The following MAML2 variants were observed in gnomAD, a reference collection of about 807,000 sequenced individuals.
MAML2 encodes the protein mastermind-like protein 2.
MAML2 carries 22 observed loss-of-function variants against 96.1 expected under a neutral mutation model. The ratio of observed to expected loss-of-function variants is 0.23; its 90% confidence interval spans 0.16 to 0.33. MAML2 has a LOEUF of 0.33. MAML2 is among the 10% of genes least tolerant of loss of function. The pLI, the probability that MAML2 is intolerant of heterozygous loss-of-function variation, is 1.00. For missense variants in MAML2, 1,367 were observed against 1,392.4 expected, an observed-to-expected ratio of 0.98 and a Z score of 0.29; for synonymous variants, 561 against 521.3, an observed-to-expected ratio of 1.08 and a Z score of -1.04.
chr11:95,981,609 A>G (rs1381944855), intron 4 of MAML2, among the ~76,000 whole-genome samples: 2 of 152,204 alleles, frequency 1.3e-5, no homozygotes, highest in East Asian at 3.8e-4. Context: ...TATGCCCCCA[A>G]CTAGACTACA....
intron 1 of MAML2, among the ~76,000 whole-genome samples, chr11:96,163,410 A>G (rs1861144613): frequency 6.6e-6 from 1 of 152,228 alleles, no homozygotes. Flanking sequence ...TATGTCAACT[A>G]TCTTATACCC....
intron 1 of MAML2, among the ~76,000 whole-genome samples, chr11:96,276,791 C>T (rs1486199287): frequency 6.9e-6 from 1 of 144,924 alleles, no homozygotes; most frequent in African/African-American, 2.6e-5. Context: ...TCTCCCATTT[C>T]CTCCTCTCCA....
At chr11:96,276,015 C>T (rs1862983814) in intron 1 of MAML2, among the ~76,000 whole-genome samples, 1 of 152,154 alleles carries the variant, frequency 6.6e-6, no homozygotes, top group Non-Finnish European at 1.5e-5. Flanking sequence ...TAAGAATGTT[C>T]TAGCCAGGAA....
chr11:96,076,436 A>T (rs56689211), intron 2 of MAML2, among the ~76,000 whole-genome samples: 501 of 39,772 alleles, frequency 0.013, 1 homozygote, highest in African/African-American at 0.045. Context: ...TCTCTCTCAC[A>T]CACACACACA....
At chr11:96,301,811 T>A (rs1565277986) in intron 1 of MAML2, among the ~76,000 whole-genome samples, 1 of 152,230 alleles carries the variant, frequency 6.6e-6, no homozygotes, top group African/African-American at 2.4e-5. Context: ...CACTTTTACT[T>A]ATACAAATTA....
chr11:96,256,243 C>A (rs1443881672), intron 1 of MAML2, among the ~76,000 whole-genome samples: 1 of 152,112 alleles, frequency 6.6e-6, no homozygotes, highest in African/African-American at 2.4e-5. Flanking sequence ...AAAAAAAATT[C>A]TTAACCGATA....
rs1165401451 is a variant in MAML2, at chr11:96,121,932, A to G, written c.514-28415T>C. Among the ~76,000 whole-genome samples the G allele has an allele frequency of 5.1e-5, 6 of 117,162 alleles. 1 individual carries two copies. Among genetic ancestry groups the G allele is most frequent in the African/African-American group, 1.7e-4 (5 of 30,100 alleles). 76.9% of individuals were successfully genotyped at this position (117,162 alleles called of 152,430 possible). Reference sequence around the variant, plus strand: ...CTCCCTAGCAGCTGGGACTACAGGCACCCGCCACCACGCCCGGCTTTTTTT... The same window carrying G: ...CTCCCTAGCAGCTGGGACTACAGGCGCCCGCCACCACGCCCGGCTTTTTTT... On this transcript the variant is annotated intron_variant, in intron 1 of 4. Transcript: ENST00000524717.
intron 1 of MAML2, among the ~76,000 whole-genome samples, chr11:96,135,592 T>C (rs1860618055): frequency 6.6e-6 from 1 of 151,820 alleles, no homozygotes; most frequent in Non-Finnish European, 1.5e-5. Context: ...ATAGTATTTT[T>C]GTGCTGGAAA....
At chr11:96,184,280 A>C (rs1861537509) in intron 1 of MAML2, among the ~76,000 whole-genome samples, 2 of 152,128 alleles carry the variant, frequency 1.3e-5, no homozygotes, top group African/African-American at 4.8e-5. Flanking sequence ...GTCTCTACTA[A>C]AAACGTAAAA....
chr11:96,031,695 C>G lies in MAML2; in HGVS notation c.2140-39972G>C, dbSNP rs1858617209. On this transcript the variant is annotated intron_variant, in intron 2 of 4. Coordinates refer to ENST00000524717, the MANE Select transcript of MAML2 (RefSeq NM_032427.4). Reference sequence around the variant, plus strand: ...GTTGCTTGATTTATACGTTAAATTACCTATATCTGGCCGGGCACAGTGGCT... The same window carrying G: ...GTTGCTTGATTTATACGTTAAATTAGCTATATCTGGCCGGGCACAGTGGCT... Among the ~76,000 whole-genome samples, 8 of 152,042 alleles carry G rather than the reference C, an allele frequency of 5.3e-5. 1 individual carries two copies. Among genetic ancestry groups the G allele is most frequent in the Admixed American group, 5.2e-4 (8 of 15,252 alleles).
intron 1 of MAML2, among the ~76,000 whole-genome samples, chr11:96,245,050 A>G (rs1378465875): frequency 1.3e-5 from 2 of 152,214 alleles, no homozygotes; most frequent in Non-Finnish European, 1.5e-5. Context: ...AAACCAAAAA[A>G]GCCAATGCAA....
At chr11:95,981,603 C>T (rs1857739229) in intron 4 of MAML2, among the ~76,000 whole-genome samples, 1 of 152,104 alleles carries the variant, frequency 6.6e-6, no homozygotes, top group African/African-American at 2.4e-5. Context: ...TATAAATATG[C>T]CCCCAACTAG....
chr11:96,132,993 A>T (rs1175509565), intron 1 of MAML2, among the ~76,000 whole-genome samples: 1 of 152,208 alleles, frequency 6.6e-6, no homozygotes, highest in African/African-American at 2.4e-5. Context: ...TTAGAGTAAA[A>T]ATTAAAATAT....
At chr11:96,150,603 A>G (rs774762465) in intron 1 of MAML2, among the ~76,000 whole-genome samples, 13 of 152,208 alleles carry the variant, frequency 8.5e-5, no homozygotes, top group Non-Finnish European at 1.8e-4. Context: ...TAGGGCAGGG[A>G]CATGCTCAAA....
chr11:96,082,728 A>G (rs1859546924), intron 2 of MAML2, among the ~76,000 whole-genome samples: 1 of 152,192 alleles, frequency 6.6e-6, no homozygotes, highest in East Asian at 1.9e-4. Context: ...ACGCTGTCCA[A>G]CTACCATCTG....
intron 1 of MAML2, among the ~76,000 whole-genome samples, chr11:96,184,388 C>T (rs1266999213): frequency 1.3e-5 from 2 of 151,536 alleles, no homozygotes; most frequent in East Asian, 2.0e-4. Flanking sequence ...TTCAGTGAGC[C>T]GAGATCATGC....
intron 2 of MAML2, among the ~76,000 whole-genome samples, chr11:96,006,318 G>T (rs1349708912): frequency 6.6e-6 from 1 of 152,140 alleles, no homozygotes; most frequent in East Asian, 1.9e-4. Context: ...AACACATTTT[G>T]ATCTGCAGGG....
chr11:96,100,163 T>C (rs1454231061), intron 1 of MAML2, among the ~76,000 whole-genome samples: 2 of 152,236 alleles, frequency 1.3e-5, no homozygotes, highest in Non-Finnish European at 2.9e-5. Flanking sequence ...GTGAAAGCAC[T>C]GGAGCAGACA....
At chr11:96,275,201 T>C (rs1265263866) in intron 1 of MAML2, among the ~76,000 whole-genome samples, 1 of 151,922 alleles carries the variant, frequency 6.6e-6, no homozygotes, top group Non-Finnish European at 1.5e-5. Flanking sequence ...GCTAAAAATA[T>C]AATTAATGAA....
Sources: gnomAD v4.1 joint callset for allele counts (sites outside exome capture counted in the v4.1 genomes callset) on GRCh38, gnomAD v4.1.1 for gene constraint, MANE v1.5 for transcripts, NCBI Gene and HGNC (gene_info 2026-07-23, HGNC 2026-07-21) for gene names.